Variants in PRKD1 observed in about 807,000 individuals in gnomAD.
PRKD1 encodes the protein serine/threonine-protein kinase D1.
In PRKD1, 63 loss-of-function variants were observed where a neutral mutation model predicts 95.9. That is an observed-to-expected ratio of 0.66 (90% CI 0.54 to 0.81). The LOEUF is 0.81. PRKD1 is among the 30% of genes least tolerant of loss of function. The pLI, the probability that PRKD1 is intolerant of heterozygous loss-of-function variation, is 0.00. For missense variants in PRKD1, 1,048 were observed against 1,165.3 expected (o/e 0.90, Z 1.47); for synonymous variants, 425 against 423.1 (o/e 1.00, Z -0.05).
chr14:29,658,537 A>T (rs1359094635), intron 4 of PRKD1, among the ~76,000 whole-genome samples: 4 of 152,156 alleles, frequency 2.6e-5, no homozygotes, highest in African/African-American at 9.7e-5. Flanking sequence ...AAAAACTTTA[A>T]GAAACACAGA....
intron 13 of PRKD1, among the ~76,000 whole-genome samples, chr14:29,609,779 G>A (rs1878325228): frequency 7.0e-6 from 1 of 142,640 alleles, no homozygotes; most frequent in South Asian, 2.2e-4. Flanking sequence ...GGCTGGTCTC[G>A]AACTCCTGGC....
intron 1 of PRKD1, among the ~76,000 whole-genome samples, chr14:29,804,011 G>A (rs1167276467): frequency 6.6e-6 from 1 of 152,144 alleles, no homozygotes; most frequent in Non-Finnish European, 1.5e-5. Flanking sequence ...GGAGGCCGAG[G>A]GGGGCGGATC....
intron 2 of PRKD1, among the ~76,000 whole-genome samples, chr14:29,683,093 G>T (rs190444254): frequency 6.6e-6 from 1 of 152,268 alleles, no homozygotes; most frequent in Admixed American, 6.5e-5. Context: ...CCAGGTTACT[G>T]GAAGACTGAT....
At chr14:29,623,119 GGTT>G (rs1255172414) in intron 13 of PRKD1, among the ~76,000 whole-genome samples, 1 of 152,134 alleles carries the variant, frequency 6.6e-6, no homozygotes, top group Non-Finnish European at 1.5e-5. Context: ...TCACATCCAT[GGTT>G]GTTTTCTTCC....
intron 2 of PRKD1, among the ~76,000 whole-genome samples, chr14:29,666,635 A>T (rs1008374234): frequency 5.3e-5 from 8 of 152,182 alleles, no homozygotes; most frequent in African/African-American, 1.9e-4. Context: ...GAAAAATAGT[A>T]TCCTTGAGTT....
intron 10 of PRKD1, 39 bp from the exon 11 acceptor site, chr14:29,629,132 A>G (rs1216049237): frequency 6.4e-7 from 1 of 1,564,050 alleles, no homozygotes; most frequent in Admixed American, 1.8e-5. Context: ...ACAAAAAGTC[A>G]GTAAGAGATG....
At chr14:29,759,081 C>T (rs565616773) in intron 1 of PRKD1, among the ~76,000 whole-genome samples, 1 of 152,328 alleles carries the variant, frequency 6.6e-6, no homozygotes, top group Non-Finnish European at 1.5e-5. Flanking sequence ...TAACCATCAT[C>T]AAAGCATTCC....
In PRKD1 at chr14:29,578,375, CA is replaced by C. The variant is rs1336082641; in HGVS notation, c.2435-16del. On this transcript the variant is annotated splice_polypyrimidine_tract_variant and intron_variant, in intron 16 of 17. Coordinates refer to ENST00000331968, the MANE Select transcript of PRKD1 (RefSeq NM_002742.3). ...AAGATCAATGGCTGAAAAAAATTAC[CA>C]GTAAAAATAGATGACAAATCTGTAA... The C allele has an allele frequency of 3.2e-6, 5 of 1,564,870 alleles. No individual in the cohort carries two copies. The South Asian group carries it at 4.5e-5, about 14-fold the overall frequency.
chr14:29,617,970 C>G (rs554160685), intron 13 of PRKD1, among the ~76,000 whole-genome samples: 1 of 152,056 alleles, frequency 6.6e-6, no homozygotes, highest in East Asian at 1.9e-4. Flanking sequence ...CATCAAGAGG[C>G]TGAGGTGGGA....
chr14:29,806,526 C>A (rs1410474092), intron 1 of PRKD1, among the ~76,000 whole-genome samples: 1 of 151,990 alleles, frequency 6.6e-6, no homozygotes, highest in Admixed American at 6.6e-5. Flanking sequence ...GCGCATCATG[C>A]AGATTACATT....
chr14:29,653,207 A>G (rs1881619291), intron 4 of PRKD1, among the ~76,000 whole-genome samples: 1 of 152,186 alleles, frequency 6.6e-6, no homozygotes, highest in Admixed American at 6.5e-5. Context: ...TATTGTCCGG[A>G]TTGCATAAAA....
intron 2 of PRKD1, among the ~76,000 whole-genome samples, chr14:29,686,678 C>A (rs887842862): frequency 6.6e-6 from 1 of 152,124 alleles, no homozygotes; most frequent in Non-Finnish European, 1.5e-5. Flanking sequence ...AGGTGTATGA[C>A]CTTAGATGAT....
intron 2 of PRKD1, among the ~76,000 whole-genome samples, chr14:29,669,350 T>A (rs1039779642): frequency 6.6e-6 from 1 of 152,222 alleles, no homozygotes; most frequent in African/African-American, 2.4e-5. Context: ...CAACTGGAGC[T>A]TTGTGTCCAC....
rs779729017 is a variant in PRKD1, at chr14:29,700,986, G to GCACACACACACA, written c.403+24549_403+24550insTGTGTGTGTGTG. On this transcript the variant is annotated intron_variant, in intron 2 of 17. Coordinates refer to ENST00000331968, the MANE Select transcript of PRKD1 (RefSeq NM_002742.3). ...TGTACGCGTGCGCATGCGCGCGCGC[G>GCACACACACACA]CGCACACACACACACACACACCCTG... Among the ~76,000 whole-genome samples, 19 of 52,338 alleles carry GCACACACACACA rather than the reference G, an allele frequency of 3.6e-4. 1 individual carries two copies. The highest frequency in any genetic ancestry group is 1.1e-3 in the African/African-American group (18 of 15,672). 34.3% of individuals were successfully genotyped at this position (52,338 alleles called of 152,430 possible).
chr14:29,605,272 C>T (rs1233867148), intron 13 of PRKD1, among the ~76,000 whole-genome samples: 1 of 152,142 alleles, frequency 6.6e-6, no homozygotes, highest in Non-Finnish European at 1.5e-5. Context: ...AAATGAATCA[C>T]CACCAACTTC....
At chr14:29,763,353 AGGAAGGAAGGAAGGAG>A (rs1381541060) in intron 1 of PRKD1, among the ~76,000 whole-genome samples, 8 of 132,778 alleles carry the variant, frequency 6.0e-5, no homozygotes, top group African/African-American at 1.4e-4. Context: ...GAAGCAAGGA[AGGAAGGAAGGAAGGAG>A]GGAAGGAAGG....
chr14:29,666,100 AC>A lies in PRKD1; in HGVS notation c.511del (p.Val171TyrfsTer12). 1.9e-6 allele frequency: 3 copies of A among 1,596,350 alleles called. No individual in the cohort carries two copies. The highest frequency in any genetic ancestry group is 2.6e-6 in the Non-Finnish European group (3 of 1,167,960). ...ACCTTCACATTTAAGACCTTGACGT[AC>A]CAGCCCCCACAGCATTTCTCCACAG... Reference protein sequence around the residue: ...DHCGEMLWGLVRQGLKCEGCG... With the variant: ...DHCGEMLWGLXRQGLKCEGCG... On this transcript the variant is annotated frameshift_variant, in exon 3 of 18. Transcript: ENST00000331968. LOFTEE classifies it high-confidence loss of function.
intron 1 of PRKD1, among the ~76,000 whole-genome samples, chr14:29,737,881 T>C (rs1328292288): frequency 6.6e-6 from 1 of 152,214 alleles, no homozygotes; most frequent in Non-Finnish European, 1.5e-5. Context: ...TAATCACCCT[T>C]ACAATTTTTA....
rs868592730 is a variant in PRKD1, at chr14:29,676,177, G to T, written c.404-9969C>A. Among the ~76,000 whole-genome samples the T allele has an allele frequency of 8.7e-4, 91 of 104,710 alleles. 1 individual carries two copies. The highest frequency in any genetic ancestry group is 2.7e-3 in the African/African-American group (65 of 23,866). 68.7% of individuals were successfully genotyped at this position (104,710 alleles called of 152,430 possible). ...GCTGTAGGCATGCATAGTTCATTAC[G>T]TTTTTGTTTTTTTTTTTTTTTTTTT... On this transcript the variant is annotated intron_variant, in intron 2 of 17. Coordinates refer to ENST00000331968, the MANE Select transcript of PRKD1 (RefSeq NM_002742.3).
Sources: gnomAD v4.1 joint callset for allele counts (sites outside exome capture counted in the v4.1 genomes callset) on GRCh38, gnomAD v4.1.1 for gene constraint, MANE v1.5 for transcripts, NCBI Gene and HGNC (gene_info 2026-07-23, HGNC 2026-07-21) for gene names.